AMOTL1: variants seen among roughly 807,000 people sequenced by gnomAD.
AMOTL1 encodes the protein angiomotin like 1.
Under a neutral mutation model 102.9 loss-of-function variants are expected in AMOTL1, and 45 were observed. The ratio of observed to expected loss-of-function variants is 0.44; its 90% CI spans 0.34 to 0.56. AMOTL1 has a LOEUF of 0.56. Among genes scored for constraint, AMOTL1 ranks in the 20% least tolerant of loss-of-function variants. AMOTL1 has a pLI of 0.01. For synonymous variants in AMOTL1, 481 were observed against 484.7 expected, an observed-to-expected ratio of 0.99 and a Z score of 0.10; for missense variants, 1,114 against 1,225.6, an observed-to-expected ratio of 0.91 and a Z score of 1.36.
intron 1 of AMOTL1, among the ~76,000 whole-genome samples, chr11:94,774,450 G>A (rs756112012): frequency 6.6e-6 from 1 of 152,224 alleles, no homozygotes; most frequent in Non-Finnish European, 1.5e-5. Context: ...GGTGCAGTAA[G>A]TCAGGGCTGA....
chr11:94,805,108 T>C (rs1192299198), intron 3 of AMOTL1, among the ~76,000 whole-genome samples: 1 of 152,250 alleles, frequency 6.6e-6, no homozygotes, highest in Non-Finnish European at 1.5e-5. Flanking sequence ...TGTAAACACT[T>C]GGCCACTGTA....
chr11:94,744,863 A>C (rs1203754254), intron 3 of AMOTL1, among the ~76,000 whole-genome samples: 2 of 152,238 alleles, frequency 1.3e-5, no homozygotes, highest in African/African-American at 2.4e-5. Context: ...AAGTAAGTGC[A>C]AGATGAATGT....
At chr11:94,868,770 C>T (rs3740863) in intron 11 of AMOTL1, among the ~76,000 whole-genome samples, 8,894 of 152,162 alleles carry the variant, frequency 0.058, 450 homozygotes, top group African/African-American at 0.13. Context: ...TTCTGGGCCA[C>T]GTTGGTAACA....
At chr11:94,861,392 G>C (rs189264429) in intron 9 of AMOTL1, among the ~76,000 whole-genome samples, 44 of 152,282 alleles carry the variant, frequency 2.9e-4, no homozygotes, top group African/African-American at 1.0e-3. Context: ...CCGAGGAAGA[G>C]AACAGGTCAT....
chr11:94,800,707 T>A (rs1489178876), intron 3 of AMOTL1, among the ~76,000 whole-genome samples: 2 of 152,178 alleles, frequency 1.3e-5, no homozygotes, highest in African/African-American at 4.8e-5. Flanking sequence ...GAAAATGTAG[T>A]CTGAATGCTA....
Position 94,800,248 on chromosome 11 carries a change from A to G in AMOTL1, c.1058A>G (p.Gln353Arg). ...ATGGTCAAGCCCTACCCTGCTCCTC[A>G]GCCTGTGAGAACAGATGTGGCCGTC... Reference protein sequence around the residue: ...HEMVKPYPAPQPVRTDVAVLR... With the variant: ...HEMVKPYPAPRPVRTDVAVLR... Residue 353 changes from glutamine (Q) to arginine (R), a missense_variant, in exon 3 of 13, where the codon CAG becomes CGG. Coordinates refer to ENST00000433060, the MANE Select transcript of AMOTL1 (RefSeq NM_130847.3). 1.2e-6 allele frequency: 2 copies of G among 1,613,946 alleles called. No homozygotes were observed. The highest frequency in any genetic ancestry group is 1.7e-6 in the Non-Finnish European group (2 of 1,179,854).
At chr11:94,789,802 A>G (rs563870897) in intron 1 of AMOTL1, among the ~76,000 whole-genome samples, 1 of 152,372 alleles carries the variant, frequency 6.6e-6, no homozygotes, top group South Asian at 2.1e-4. Context: ...AAGGTAAGAT[A>G]GAAGCCACAG....
At chr11:94,808,965 C>CTTTTTTTTTTTT (rs199619372) in intron 3 of AMOTL1, among the ~76,000 whole-genome samples, 8 of 111,890 alleles carry the variant, frequency 7.1e-5, no homozygotes, top group Non-Finnish European at 1.1e-4. Context: ...TTCTTTCTTT[C>CTTTTTTTTTTTT]TTTTTTTTTT....
exon 2 of AMOTL1, chr11:94,729,008 C>G (rs1363549345): frequency 7.8e-7 from 1 of 1,289,000 alleles, no homozygotes; most frequent in South Asian, 1.2e-5. Context: ...GAGGAAGGAG[C>G]CTGGTTATCC....
At chr11:94,866,283 C>T (rs1952881814) in intron 11 of AMOTL1, 115 bp downstream of exon 11, 1 of 1,039,624 alleles carries the variant, frequency 9.6e-7, no homozygotes, top group Non-Finnish European at 1.4e-6. Flanking sequence ...GTTTACTCAT[C>T]TGTGAAGTGG....
intron 3 of AMOTL1, among the ~76,000 whole-genome samples, chr11:94,802,503 T>G (rs557928567): frequency 1.3e-5 from 2 of 152,224 alleles, no homozygotes; most frequent in South Asian, 2.1e-4. Context: ...GTAATAGGTG[T>G]GATGTGAGGT....
At chr11:94,831,664 A>C in intron 6 of AMOTL1, 123 bp downstream of exon 6, 1 of 818,764 alleles carries the variant, frequency 1.2e-6, no homozygotes, top group Non-Finnish European at 1.9e-6. Context: ...AATTTAGCAT[A>C]CAACCTATTG....
intron 9 of AMOTL1, among the ~76,000 whole-genome samples, chr11:94,861,794 G>A (rs1952779331): frequency 6.6e-6 from 1 of 152,194 alleles, no homozygotes; most frequent in East Asian, 1.9e-4. Flanking sequence ...CACGTTAGAT[G>A]TCTGTTTGGG....
chr11:94,866,604 G>A (rs1423077144), intron 11 of AMOTL1: 1 of 191,232 alleles, frequency 5.2e-6, no homozygotes, highest in Non-Finnish European at 1.1e-5. Context: ...ATGGGATAAT[G>A]GGGGGAGGAG....
intron 3 of AMOTL1, among the ~76,000 whole-genome samples, chr11:94,816,232 G>GT (rs898816053): frequency 1.2e-4 from 18 of 152,152 alleles, no homozygotes; most frequent in Non-Finnish European, 2.6e-4. Flanking sequence ...TTTGGCTCCC[G>GT]TAAGTTTTAT....
chr11:94,723,300 C>A lies in AMOTL1; in HGVS notation c.-50-5621C>A, dbSNP rs146247817. On this transcript the variant is annotated intron_variant, in intron 1 of 4. Transcript: ENST00000299004. ...ATGGAATATAAAAAGCTGTGAGAAG[C>A]ACAAAGGAAGAAAGAAATAGGTCTG... Among the ~76,000 whole-genome samples, 485 of 152,174 alleles carry A rather than the reference C, an allele frequency of 3.2e-3. 3 individuals carry two copies. Among genetic ancestry groups the A allele is most frequent in the African/African-American group, 0.011 (461 of 41,528 alleles).
upstream of AMOTL1, among the ~76,000 whole-genome samples, chr11:94,765,159 A>G (rs2135506234): frequency 6.6e-6 from 1 of 152,328 alleles, no homozygotes; most frequent in South Asian, 2.1e-4. Flanking sequence ...TCATCTTCTT[A>G]GCTTTCTTAG....
rs528193542 is a variant in AMOTL1 at position 94,812,398 on chromosome 11, A to G, written c.1122-9132A>G. On this transcript the variant is annotated intron_variant, in intron 3 of 12. Coordinates refer to ENST00000433060, the MANE Select transcript of AMOTL1 (RefSeq NM_130847.3). ...AGAGACAATCTGTTGCATTATTTAG[A>G]GTCTCTGATTAGCTTTCAACTGAAT... 3.3e-5 allele frequency among the ~76,000 whole-genome samples: 5 copies of G among 152,332 alleles called. No individual in the cohort carries two copies. The East Asian group carries it at 9.6e-4, about 29-fold the overall frequency.
chr11:94,860,138 C>T (rs779108980), intron 9 of AMOTL1, among the ~76,000 whole-genome samples: 56 of 152,260 alleles, frequency 3.7e-4, no homozygotes, highest in Non-Finnish European at 6.3e-4. Context: ...ATATTTAAGG[C>T]ACTTTTTAAT....
Sources: gnomAD v4.1 joint callset for allele counts (sites outside exome capture counted in the v4.1 genomes callset) on GRCh38, gnomAD v4.1.1 for gene constraint, MANE v1.5 for transcripts, NCBI Gene and HGNC (gene_info 2026-07-23, HGNC 2026-07-21) for gene names.